AGBL1: variants seen among roughly 807,000 people sequenced by gnomAD.
AGBL1 encodes the protein AGBL carboxypeptidase 1, also known as cytosolic carboxypeptidase 4.
In AGBL1, 130 loss-of-function variants were observed where a neutral mutation model predicts 118.9. That is an observed-to-expected ratio of 1.09 (90% CI 0.95 to 1.26). The LOEUF (loss-of-function observed/expected upper bound fraction) is 1.26, where lower values mean the gene tolerates loss of function less well. Ranked by LOEUF, AGBL1 falls within the 50% of genes most tolerant of loss-of-function variation. The pLI, the probability that AGBL1 is intolerant of heterozygous loss-of-function variation, is 0.00. For synonymous variants in AGBL1, 555 were observed against 478.9 expected, an observed-to-expected ratio of 1.16 and a Z score of -2.08; for missense variants, 1,584 against 1,298.1, an observed-to-expected ratio of 1.22 and a Z score of -3.38.
chr15:86,463,987 G>A (rs996405750), intron 18 of AGBL1, among the ~76,000 whole-genome samples: 4 of 152,180 alleles, frequency 2.6e-5, no homozygotes, highest in African/African-American at 9.7e-5. Flanking sequence ...GAAGGTCAAT[G>A]GTGGCTTGAT....
intron 22 of AGBL1, among the ~76,000 whole-genome samples, chr15:86,714,027 C>G (rs2086601066): frequency 6.6e-6 from 1 of 152,062 alleles, no homozygotes; most frequent in Non-Finnish European, 1.5e-5. Context: ...TAACCTGTGT[C>G]GATAGCTGAA....
chr15:86,862,373 C>A (rs1396857073), intron 22 of AGBL1, among the ~76,000 whole-genome samples: 2 of 152,170 alleles, frequency 1.3e-5, no homozygotes, highest in Non-Finnish European at 2.9e-5. Flanking sequence ...CAAGGGTGCA[C>A]ACCTATAAGA....
intron 19 of AGBL1, among the ~76,000 whole-genome samples, chr15:86,526,540 C>CTG (rs201896973): frequency 0.033 from 1,614 of 48,594 alleles, 18 homozygotes; most frequent in Non-Finnish European, 0.043. Flanking sequence ...ATGTTTGTGT[C>CTG]TGTGTATATA....
At chr15:86,549,902 G>GAGGGAGGAAGGA (rs1438527485) in intron 20 of AGBL1, among the ~76,000 whole-genome samples, 1 of 132,596 alleles carries the variant, frequency 7.5e-6, no homozygotes, top group African/African-American at 2.7e-5. Context: ...GGGAGGGAGG[G>GAGGGAGGAAGGA]AGGAAGGAAG....
At chr15:86,127,116 A>G (rs2076757519) in intron 1 of AGBL1, among the ~76,000 whole-genome samples, 1 of 152,200 alleles carries the variant, frequency 6.6e-6, no homozygotes, top group Admixed American at 6.5e-5. Flanking sequence ...AACAAGGGGG[A>G]AAACTACAGG....
chr15:86,956,842 G>C (rs188292247), intron 23 of AGBL1, among the ~76,000 whole-genome samples: 22 of 152,202 alleles, frequency 1.4e-4, no homozygotes, highest in Non-Finnish European at 2.6e-4. Context: ...AAATGTTAGT[G>C]AAATAAGAAA....
intron 4 of AGBL1, among the ~76,000 whole-genome samples, chr15:86,156,769 C>A (rs1390007107): frequency 2.2e-5 from 3 of 134,096 alleles, no homozygotes; most frequent in Non-Finnish European, 4.7e-5. Flanking sequence ...GATTTTTTTT[C>A]TTTTCTTTCT....
chr15:86,158,813 A>G, intron 4 of AGBL1, 120 bp from the exon 5 acceptor site: 3 of 796,404 alleles, frequency 3.8e-6, no homozygotes, highest in Non-Finnish European at 6.3e-6. Flanking sequence ...GGTGGAAAAG[A>G]AAGGGAGCTA....
chr15:86,136,463 G>A (rs188295629), intron 1 of AGBL1, among the ~76,000 whole-genome samples: 310 of 152,296 alleles, frequency 2.0e-3, no homozygotes, highest in African/African-American at 7.4e-3. Flanking sequence ...GTTGTGCAGA[G>A]CCCAATAGGA....
At chr15:86,203,477 T>C (rs1449367692) in intron 5 of AGBL1, among the ~76,000 whole-genome samples, 1 of 152,214 alleles carries the variant, frequency 6.6e-6, no homozygotes, top group Non-Finnish European at 1.5e-5. Flanking sequence ...TATCTGTGTA[T>C]TTCTCAAGTA....
chr15:86,134,824 A>G (rs1226098183), intron 1 of AGBL1, among the ~76,000 whole-genome samples: 4 of 151,948 alleles, frequency 2.6e-5, no homozygotes, highest in Admixed American at 2.0e-4. Flanking sequence ...CATGTTGGCC[A>G]GGATGGTCTC....
intron 22 of AGBL1, among the ~76,000 whole-genome samples, chr15:86,693,021 T>C (rs1045066411): frequency 6.6e-6 from 1 of 152,192 alleles, no homozygotes; most frequent in Non-Finnish European, 1.5e-5. Context: ...TGATAGGCTT[T>C]TGAGCTAATT....
intron 22 of AGBL1, among the ~76,000 whole-genome samples, chr15:86,894,729 A>G (rs1486836766): frequency 1.3e-5 from 2 of 152,220 alleles, no homozygotes; most frequent in African/African-American, 4.8e-5. Context: ...ATTGCTTCTT[A>G]CCACTGCCAG....
intron 17 of AGBL1, among the ~76,000 whole-genome samples, chr15:86,375,464 A>G (rs1029652426): frequency 6.6e-6 from 1 of 152,070 alleles, no homozygotes; most frequent in South Asian, 2.1e-4. Flanking sequence ...ACGCATGGGG[A>G]TCATGGGGAT....
rs148688783 is a variant in AGBL1, at chr15:86,482,563, C to G, written c.2556-40247C>G. Among the ~76,000 whole-genome samples the G allele has an allele frequency of 3.3e-5, 5 of 152,226 alleles. No homozygotes were observed. In the East Asian group the frequency reaches 9.7e-4, roughly 29 times the overall value. On this transcript the variant is annotated intron_variant, in intron 18 of 22. Transcript: ENST00000614907. ...ATACCTATAATTGAAACAAACTGCA[C>G]TGAAACCCTGGCTGGACCCTTCATG...
chr15:86,782,255 A>G (rs2078346340), intron 22 of AGBL1, among the ~76,000 whole-genome samples: 1 of 152,050 alleles, frequency 6.6e-6, no homozygotes, highest in South Asian at 2.1e-4. Context: ...GGATTATTTG[A>G]CAATAGTATT....
At chr15:86,246,881 C>T (rs1263953803) in intron 6 of AGBL1, among the ~76,000 whole-genome samples, 1 of 143,272 alleles carries the variant, frequency 7.0e-6, no homozygotes, top group African/African-American at 2.6e-5. Flanking sequence ...TGATAGTCAG[C>T]TCAACCCAAA....
At chr15:86,135,491 A>C (rs2076877297) in intron 1 of AGBL1, among the ~76,000 whole-genome samples, 1 of 152,222 alleles carries the variant, frequency 6.6e-6, no homozygotes, top group Admixed American at 6.5e-5. Flanking sequence ...TGAGCTGTGC[A>C]CCTTGTAAAC....
intron 18 of AGBL1, among the ~76,000 whole-genome samples, chr15:86,409,348 C>A (rs896642122): frequency 1.3e-5 from 2 of 152,142 alleles, no homozygotes; most frequent in African/African-American, 4.8e-5. Context: ...ATTATTTGCT[C>A]TGGGAACTCT....
Sources: gnomAD v4.1 joint callset for allele counts (sites outside exome capture counted in the v4.1 genomes callset) on GRCh38, gnomAD v4.1.1 for gene constraint, MANE v1.5 for transcripts, NCBI Gene and HGNC (gene_info 2026-07-23, HGNC 2026-07-21) for gene names.